AFAP1: variants seen among roughly 807,000 people sequenced by gnomAD.
AFAP1 encodes actin filament associated protein 1, also known as actin filament-associated protein 1.
Under a neutral mutation model 93.9 loss-of-function variants are expected in AFAP1, and 75 were observed. The observed-to-expected ratio is 0.80, with a 90% confidence interval of 0.66 to 0.97. The LOEUF (loss-of-function observed/expected upper bound fraction) is 0.97. Ranked by LOEUF, AFAP1 falls within the 50% of genes least tolerant of loss-of-function variation. The pLI is 0.00. For synonymous variants in AFAP1, 517 were observed against 430.7 expected (o/e 1.20, Z -2.48); for missense variants, 1,201 against 1,050.8 (o/e 1.14, Z -1.98).
At chr4:7,912,982 G>A (rs141254442) in intron 1 of AFAP1, among the ~76,000 whole-genome samples, 31 of 152,192 alleles carry the variant, frequency 2.0e-4, no homozygotes, top group Non-Finnish European at 4.4e-4. Flanking sequence ...GGAGTAGCTG[G>A]GACCACAGGC....
intron 7 of AFAP1, among the ~76,000 whole-genome samples, chr4:7,816,738 C>A (rs1017251624): frequency 2.6e-5 from 4 of 152,196 alleles, no homozygotes; most frequent in African/African-American, 7.2e-5. Context: ...GGGGTCATAG[C>A]GGAGGGAGTG....
At chr4:7,770,135 G>C (rs892550458) in intron 16 of AFAP1, among the ~76,000 whole-genome samples, 38 of 152,246 alleles carry the variant, frequency 2.5e-4, no homozygotes, top group African/African-American at 4.8e-5. Flanking sequence ...TCAAAACAGA[G>C]GGGAAGTCGC....
chr4:7,924,339 C>T (rs1436956121), intron 1 of AFAP1, among the ~76,000 whole-genome samples: 2 of 152,176 alleles, frequency 1.3e-5, no homozygotes, highest in African/African-American at 4.8e-5. Flanking sequence ...GAAAAGCTAA[C>T]ACTAACAAAC....
intron 13 of AFAP1, among the ~76,000 whole-genome samples, chr4:7,779,602 G>A (rs10937860): frequency 6.6e-6 from 1 of 152,102 alleles, no homozygotes; most frequent in Non-Finnish European, 1.5e-5. Flanking sequence ...TTTTTTCCAC[G>A]ATACAGCTTC....
At chr4:7,891,189 ACT>A (rs1445351944) in intron 1 of AFAP1, among the ~76,000 whole-genome samples, 1 of 146,532 alleles carries the variant, frequency 6.8e-6, no homozygotes, top group Non-Finnish European at 1.5e-5. Context: ...ATGCTATCTG[ACT>A]CTGTTTTGGT....
chr4:7,790,489 A>C (rs953282177), intron 11 of AFAP1, among the ~76,000 whole-genome samples: 1 of 152,216 alleles, frequency 6.6e-6, no homozygotes, highest in Admixed American at 6.5e-5. Context: ...GGTTTCTCTT[A>C]AATGTGGTTA....
intron 8 of AFAP1, among the ~76,000 whole-genome samples, chr4:7,812,119 C>T (rs1195054655): frequency 6.6e-6 from 1 of 152,114 alleles, no homozygotes; most frequent in African/African-American, 2.4e-5. Context: ...CCAAGAGGGA[C>T]AGCAACAGCG....
chr4:7,882,346 T>C (rs1207657354), intron 1 of AFAP1, among the ~76,000 whole-genome samples: 1 of 151,412 alleles, frequency 6.6e-6, no homozygotes, highest in African/African-American at 2.4e-5. Context: ...ACACCAAGGC[T>C]ACTGCATAAA....
chr4:7,932,022 G>A (rs181949908), intron 1 of AFAP1, among the ~76,000 whole-genome samples: 7 of 151,976 alleles, frequency 4.6e-5, no homozygotes, highest in African/African-American at 9.6e-5. Context: ...CACCATGCCC[G>A]GCTAATTTTT....
intron 8 of AFAP1, 127 bp from the exon 9 acceptor site, chr4:7,809,890 C>A: frequency 9.3e-7 from 1 of 1,079,418 alleles, no homozygotes; most frequent in South Asian, 1.7e-5. Context: ...GACAGGGTCT[C>A]ACTCTGTCCC....
At chr4:7,867,011 C>T (rs562463380) in intron 3 of AFAP1, among the ~76,000 whole-genome samples, 20 of 149,550 alleles carry the variant, frequency 1.3e-4, no homozygotes, top group Non-Finnish European at 2.5e-4. Flanking sequence ...TGCACTCCAG[C>T]CTGGGTGACA....
chr4:7,881,521 A>T (rs535632203), intron 1 of AFAP1, among the ~76,000 whole-genome samples: 2 of 151,958 alleles, frequency 1.3e-5, no homozygotes, highest in Non-Finnish European at 2.9e-5. Flanking sequence ...GGTGGCTCCC[A>T]CCTGTAATCC....
chr4:7,841,270 G>T lies in AFAP1; in HGVS notation c.546+1869C>A, dbSNP rs543670918. ...TCTGGGGCTGGAAGGCCCCATCACA[G>T]CTGCCCAGTGAGTCTGGGTCTATAC... On this transcript the variant is annotated intron_variant, in intron 5 of 17. Transcript: ENST00000420658. Among the ~76,000 whole-genome samples, 3 of 150,922 alleles carry T rather than the reference G, an allele frequency of 2.0e-5. No individual in the cohort carries two copies. The South Asian group carries it at 6.3e-4, about 32-fold the overall frequency.
intron 4 of AFAP1, among the ~76,000 whole-genome samples, chr4:7,852,619 A>C (rs1055177286): frequency 3.3e-5 from 5 of 152,250 alleles, no homozygotes; most frequent in African/African-American, 1.2e-4. Flanking sequence ...AGGAAGCTGA[A>C]TCACCCACCA....
At chr4:7,794,414 A>G (rs777041400) in intron 10 of AFAP1, among the ~76,000 whole-genome samples, 14 of 152,206 alleles carry the variant, frequency 9.2e-5, no homozygotes, top group Non-Finnish European at 1.2e-4. Context: ...TGCTTTAGGC[A>G]CACCATTTTT....
chr4:7,934,208 T>C (rs552186012), intron 1 of AFAP1, among the ~76,000 whole-genome samples: 29 of 152,336 alleles, frequency 1.9e-4, no homozygotes, highest in African/African-American at 6.5e-4. Flanking sequence ...AACCTCCCAA[T>C]GCTTGTCTTA....
At chr4:7,767,185 G>A (rs1714721645) in intron 17 of AFAP1, among the ~76,000 whole-genome samples, 1 of 152,188 alleles carries the variant, frequency 6.6e-6, no homozygotes, top group African/African-American at 2.4e-5. Context: ...AGCTTCCGCT[G>A]TTTTCTGGAC....
intron 3 of AFAP1, among the ~76,000 whole-genome samples, chr4:7,867,693 TAAG>T (rs1716579482): frequency 6.6e-6 from 1 of 152,240 alleles, no homozygotes; most frequent in Admixed American, 6.5e-5. Flanking sequence ...CTTCCCCTGA[TAAG>T]AAGCGTTAGG....
intron 3 of AFAP1, among the ~76,000 whole-genome samples, chr4:7,861,026 A>T (rs1017871079): frequency 1.3e-5 from 2 of 152,300 alleles, no homozygotes; most frequent in East Asian, 1.9e-4. Flanking sequence ...CTTTCCAGGG[A>T]AACACCAATA....
Sources: gnomAD v4.1 joint callset for allele counts (sites outside exome capture counted in the v4.1 genomes callset) on GRCh38, gnomAD v4.1.1 for gene constraint, MANE v1.5 for transcripts, NCBI Gene and HGNC (gene_info 2026-07-23, HGNC 2026-07-21) for gene names.